Variants in ZCCHC14 observed in about 807,000 individuals in gnomAD.
The protein encoded by ZCCHC14 is zinc finger CCHC-type containing 14, also known as zinc finger CCHC domain-containing protein 14.
Under a neutral mutation model 85.0 loss-of-function variants are expected in ZCCHC14, and 16 were observed. The observed-to-expected ratio is 0.19, with a 90% CI of 0.13 to 0.29. The LOEUF is 0.29. ZCCHC14 is among the 10% of genes least tolerant of loss of function. ZCCHC14 has a pLI of 1.00. For missense variants in ZCCHC14, 1,303 were observed against 1,443.5 expected (o/e 0.90, Z 1.58); for synonymous variants, 775 against 630.7 (o/e 1.23, Z -3.43).
chr16:87,491,266 G>A lies in ZCCHC14; in HGVS notation c.570+403C>T, dbSNP rs945625514. Among the ~76,000 whole-genome samples, 1 of 152,262 alleles carries A rather than the reference G, an allele frequency of 6.6e-6. No homozygotes were observed. The highest frequency in any genetic ancestry group is 2.4e-5 in the African/African-American group (1 of 41,474). ...GCCGCTCCTGCCCAAGGGGCGCGAG[G>A]CGGAGGTGTGGAGGCTTTGGGGCAC... On this transcript the variant is annotated intron_variant, in intron 1 of 12. Coordinates refer to ENST00000671377, the MANE Select transcript of ZCCHC14 (RefSeq NM_015144.3). The surrounding 1 kb of genome is among the most constrained non-coding windows in gnomAD (Gnocchi z 5.9).
chr16:87,431,961 T>A (rs1909686116), intron 3 of ZCCHC14, among the ~76,000 whole-genome samples: 2 of 152,190 alleles, frequency 1.3e-5, no homozygotes, highest in African/African-American at 4.8e-5. Context: ...AGCTGAGGAT[T>A]TTCCTTACAT....
intron 1 of ZCCHC14, among the ~76,000 whole-genome samples, chr16:87,465,912 C>A (rs11642390): frequency 0.71 from 107,316 of 152,042 alleles, 41,353 homozygotes; most frequent in South Asian, 0.88. Context: ...GCCATCCTCC[C>A]GCCTTAGCTG....
rs1321818479 is a variant in ZCCHC14, at chr16:87,411,623, T to C, written c.3098A>G (p.Asn1033Ser). The part of the protein sequence containing the change: ...YQTQGLVGSS[N>S]GSSHKKSGNL... ...CCCGCTCTTTTTGTGACTGGAACCA[T>C]TGCTACTGCCCACCAGTCCTTGGGT... Residue 1033 changes from asparagine to serine, a missense_variant, in exon 12 of 13, where the codon AAT (asparagine) becomes AGT (serine). By Grantham distance (46) the Asn-to-Ser change is conservative (BLOSUM62 1). This residue lies in a region of ZCCHC14 where 797 missense variants were observed against 730.8 expected (regional missense o/e 1.09). Transcript: ENST00000671377. 2 of 1,613,944 alleles carry C rather than the reference T, an allele frequency of 1.2e-6. No individual in the cohort carries two copies. Among genetic ancestry groups the C allele is most frequent in the Non-Finnish European group, 1.7e-6 (2 of 1,180,012 alleles).
chr16:87,487,675 C>T (rs529647761), intron 1 of ZCCHC14, among the ~76,000 whole-genome samples: 2,523 of 152,348 alleles, frequency 0.017, 25 homozygotes, highest in Middle Eastern at 0.048. Context: ...GGGGTGAAGA[C>T]AAAGAGCCTA....
chr16:87,439,989 T>C (rs147604154), intron 2 of ZCCHC14, among the ~76,000 whole-genome samples: 3 of 152,294 alleles, frequency 2.0e-5, no homozygotes, highest in African/African-American at 7.2e-5. Context: ...TTATTTATTT[T>C]AGAGATGGGG....
In ZCCHC14 at chr16:87,415,372, C is replaced by T. The variant is rs755907025; in HGVS notation, c.1384-5G>A. 16 of 1,612,270 alleles carry T rather than the reference C, an allele frequency of 9.9e-6. No homozygotes were observed. The highest frequency in any genetic ancestry group is 1.0e-5 in the Non-Finnish European group (12 of 1,179,562). On this transcript the variant is annotated splice_polypyrimidine_tract_variant and splice_region_variant and intron_variant, in intron 8 of 12. Coordinates refer to ENST00000671377, the MANE Select transcript of ZCCHC14 (RefSeq NM_015144.3). ...TTCTTCAGTAAGGCTCAAAAACTTTCACAGAAAAAACAAATTACAAAGTTA... is the reference window on the plus strand; with the variant it reads ...TTCTTCAGTAAGGCTCAAAAACTTTTACAGAAAAAACAAATTACAAAGTTA...
intron 2 of ZCCHC14, among the ~76,000 whole-genome samples, chr16:87,452,002 G>A (rs75752330): frequency 2.0e-5 from 3 of 152,256 alleles, no homozygotes; most frequent in Non-Finnish European, 2.9e-5. Flanking sequence ...GGCTGGGCAA[G>A]TGTGGGCTGA....
intron 10 of ZCCHC14, among the ~76,000 whole-genome samples, chr16:87,413,510 G>A (rs968098313): frequency 6.6e-6 from 1 of 151,442 alleles, no homozygotes; most frequent in Non-Finnish European, 1.5e-5. Context: ...CCCATCTCAC[G>A]AGGCCGGCCG....
intron 1 of ZCCHC14, among the ~76,000 whole-genome samples, chr16:87,463,715 C>T (rs916619853): frequency 3.3e-5 from 5 of 152,144 alleles, no homozygotes; most frequent in Admixed American, 6.5e-5. Context: ...CCCAGCTACT[C>T]GGGAGGCTGA....
chr16:87,447,426 C>T (rs12925472), intron 2 of ZCCHC14, among the ~76,000 whole-genome samples: 22,711 of 152,142 alleles, frequency 0.15, 2,203 homozygotes, highest in East Asian at 0.45. Flanking sequence ...AATCAAGACG[C>T]AGTGCTTTTC....
intron 1 of ZCCHC14, 85 bp from the exon 2 acceptor site, chr16:87,460,216 A>G: frequency 6.6e-7 from 1 of 1,511,368 alleles, no homozygotes. Flanking sequence ...GTCTTTCATA[A>G]TTACCTTGGT....
intron 3 of ZCCHC14, among the ~76,000 whole-genome samples, chr16:87,427,213 G>A (rs1909416790): frequency 6.6e-6 from 1 of 152,244 alleles, no homozygotes; most frequent in Non-Finnish European, 1.5e-5. Flanking sequence ...CATCACCACA[G>A]GTCCCCCAAC....
At chr16:87,441,225 C>T (rs985872075) in intron 2 of ZCCHC14, among the ~76,000 whole-genome samples, 9 of 152,136 alleles carry the variant, frequency 5.9e-5, no homozygotes, top group African/African-American at 2.2e-4. Flanking sequence ...ATCTCCCGAC[C>T]TCGTGATCCG....
chr16:87,423,841 G>C lies in ZCCHC14; in HGVS notation c.809C>G (p.Ser270Cys), dbSNP rs374428963. ...SDSSITSVTK[S>C]SSEVTEFISK... The stretch of plus-strand genomic sequence containing the variant: ...AATAAATTCCGTCACTTCAGAGGAA[G>C]ATTTGGTTACTGATGTTATTGAAGA... The change falls in exon 4 of 13, where the codon TCT (serine) becomes TGT (cysteine). Residue 270 changes from serine (S) to cysteine (C), a missense_variant. Ser to Cys is a moderately radical substitution (Grantham distance 112, BLOSUM62 -1). This residue lies in a region of ZCCHC14 where 389 missense variants were observed against 397.8 expected (regional missense o/e 0.98). Transcript: ENST00000671377. 23 of 1,614,052 alleles carry C rather than the reference G, an allele frequency of 1.4e-5. No homozygotes were observed. The highest frequency in any genetic ancestry group is 1.7e-5 in the Non-Finnish European group (20 of 1,180,016).
At chr16:87,467,593 G>T (rs1911584933) in intron 1 of ZCCHC14, 20 of 1,374,216 alleles carry the variant, frequency 1.5e-5, no homozygotes, top group Non-Finnish European at 2.1e-5. Flanking sequence ...TGGAATAGGT[G>T]TCAAGGATCT....
intron 8 of ZCCHC14, among the ~76,000 whole-genome samples, chr16:87,416,187 A>T (rs1242508065): frequency 1.3e-5 from 2 of 151,846 alleles, no homozygotes; most frequent in African/African-American, 4.8e-5. Flanking sequence ...CGGCCTCCCA[A>T]AGTGCTGGGA....
intron 1 of ZCCHC14, among the ~76,000 whole-genome samples, chr16:87,464,094 C>G (rs542082401): frequency 6.6e-6 from 1 of 152,348 alleles, no homozygotes; most frequent in East Asian, 1.9e-4. Flanking sequence ...CTCGCACACA[C>G]ACACCGCCTG....
chr16:87,474,809 C>T (rs1911928486), intron 1 of ZCCHC14, among the ~76,000 whole-genome samples: 1 of 152,218 alleles, frequency 6.6e-6, no homozygotes, highest in Non-Finnish European at 1.5e-5. Context: ...GCACGCTCTG[C>T]ACATCAACTC....
intron 7 of ZCCHC14, among the ~76,000 whole-genome samples, chr16:87,418,319 TGCTGACTGGGC>T (rs1908902220): frequency 6.6e-6 from 1 of 152,234 alleles, no homozygotes; most frequent in Non-Finnish European, 1.5e-5. Context: ...AAGTCACACC[TGCTGACTGGGC>T]GCTTACCCTA....
Sources: gnomAD v4.1 joint callset for allele counts (sites outside exome capture counted in the v4.1 genomes callset) on GRCh38, gnomAD v4.1.1 for gene constraint, gnomAD v4.1.1 regional missense constraint, Gnocchi (gnomAD v3.1) non-coding constraint, MANE v1.5 for transcripts, NCBI Gene and HGNC (gene_info 2026-07-23, HGNC 2026-07-21) for gene names.